Variants in PCDH15 observed in about 807,000 individuals in gnomAD.
PCDH15 encodes protocadherin related 15.
Under a neutral mutation model 178.5 loss-of-function variants are expected in PCDH15, and 129 were observed. The ratio of observed to expected loss-of-function variants is 0.72; its 90% confidence interval spans 0.63 to 0.84. The LOEUF (loss-of-function observed/expected upper bound fraction) is 0.84. Among genes scored for constraint, PCDH15 ranks in the 40% least tolerant of loss-of-function variants. The pLI is 0.00. For synonymous variants in PCDH15, 800 were observed against 732.0 expected, an observed-to-expected ratio of 1.09 and a Z score of -1.50; for missense variants, 2,230 against 2,099.9, an observed-to-expected ratio of 1.06 and a Z score of -1.21.
At position 54,516,816 on chromosome 10, in the gene PCDH15, T is replaced by C. The variant is rs981838542; in HGVS notation, c.157+10996A>G. ...TGTTAAGGGCAGCCAGAGAGAAAGA[T>C]TGGGTTACCCACAAAGGGAAGCTCA... On this transcript the variant is annotated intron_variant, in intron 3 of 37. Transcript: ENST00000644397. 5.9e-5 allele frequency among the ~76,000 whole-genome samples: 9 copies of C among 152,114 alleles called. No individual in the cohort carries two copies. The South Asian group carries it at 6.2e-4, about 11-fold the overall frequency.
chr10:53,894,388 T>C (rs959202505), intron 26 of PCDH15, among the ~76,000 whole-genome samples: 5 of 152,092 alleles, frequency 3.3e-5, no homozygotes, highest in African/African-American at 1.2e-4. Flanking sequence ...GCATTCAGGG[T>C]GGTATGGCCA....
chr10:55,458,085 T>C (rs963333172), intron 2 of PCDH15, among the ~76,000 whole-genome samples: 2 of 152,054 alleles, frequency 1.3e-5, no homozygotes, highest in Non-Finnish European at 2.9e-5. Context: ...ATAAATCTTG[T>C]AGGATTCTGT....
Position 54,992,728 on chromosome 10 carries a change from C to A in PCDH15, c.-79-95228G>T, listed in dbSNP as rs1839533526. On this transcript the variant is annotated intron_variant, in intron 2 of 5. Transcript: ENST00000458638. The stretch of plus-strand genomic sequence containing the variant: ...AGAGATCAGGCCACTGCACTCCAGC[C>A]TGGGCGACAGAGTGATCCTCCATCT... 2.7e-5 allele frequency among the ~76,000 whole-genome samples: 4 copies of A among 149,376 alleles called. No individual in the cohort carries two copies. The South Asian group carries it at 8.5e-4, about 32-fold the overall frequency.
At position 54,993,405 on chromosome 10, in the gene PCDH15, T is replaced by C. The variant is rs1487581557; in HGVS notation, c.-79-95905A>G. On this transcript the variant is annotated intron_variant, in intron 2 of 5. Coordinates refer to the PCDH15 transcript ENST00000458638. ...AATATCTACATTAAGCCACAAATCA[T>C]GAATACCTGCTTGACTATGTCCTCT... Among the ~76,000 whole-genome samples, 3 of 152,170 alleles carry C rather than the reference T, an allele frequency of 2.0e-5. No homozygotes were observed. In the East Asian group the frequency reaches 5.8e-4, roughly 29 times the overall value.
At chr10:54,770,974 T>C (rs1270152216) in intron 1 of PCDH15, among the ~76,000 whole-genome samples, 2 of 152,086 alleles carry the variant, frequency 1.3e-5, no homozygotes, top group African/African-American at 4.8e-5. Context: ...TTAGATGATA[T>C]CAATGTGCCC....
intron 2 of PCDH15, among the ~76,000 whole-genome samples, chr10:55,373,027 A>C (rs1183295696): frequency 6.6e-6 from 1 of 152,004 alleles, no homozygotes; most frequent in Non-Finnish European, 1.5e-5. Flanking sequence ...AGATTCAAAA[A>C]ATAATTAAAA....
intron 1 of PCDH15, among the ~76,000 whole-genome samples, chr10:55,255,792 T>A (rs1233535107): frequency 1.3e-5 from 2 of 151,994 alleles, no homozygotes; most frequent in Non-Finnish European, 2.9e-5. Context: ...CCACTTTTTG[T>A]TGGGGTTGTT....
intron 1 of PCDH15, among the ~76,000 whole-genome samples, chr10:54,754,081 T>C (rs1946733182): frequency 6.6e-6 from 1 of 151,534 alleles, no homozygotes; most frequent in Non-Finnish European, 1.5e-5. Flanking sequence ...ACCCGTCTCA[T>C]CCTCCCAAAG....
At chr10:55,071,627 G>C (rs1398801406) in intron 2 of PCDH15, among the ~76,000 whole-genome samples, 1 of 152,132 alleles carries the variant, frequency 6.6e-6, no homozygotes, top group East Asian at 1.9e-4. Flanking sequence ...AAGAGACTTA[G>C]ACTCCCACAC....
intron 2 of PCDH15, among the ~76,000 whole-genome samples, chr10:55,373,812 A>T (rs1377632021): frequency 6.6e-6 from 1 of 151,960 alleles, no homozygotes; most frequent in African/African-American, 2.4e-5. Flanking sequence ...CTTACGTTTA[A>T]GTCTTTAATC....
rs183208244 is a variant in PCDH15, at chr10:54,343,181, C to T, written c.594+3184G>A. 3.7e-4 allele frequency among the ~76,000 whole-genome samples: 56 copies of T among 152,064 alleles called. No individual in the cohort carries two copies. In the South Asian group the frequency reaches 3.8e-3, roughly 10 times the overall value. The stretch of plus-strand genomic sequence containing the variant: ...AATTATATGGTTTGTCTCTGTGTCC[C>T]GACTAAAATCTCATGTTGAATTGTA... On this transcript the variant is annotated intron_variant, in intron 6 of 37. Transcript: ENST00000644397.
At chr10:54,176,127 T>C (rs1377740481) in intron 13 of PCDH15, among the ~76,000 whole-genome samples, 1 of 152,202 alleles carries the variant, frequency 6.6e-6, no homozygotes, top group Non-Finnish European at 1.5e-5. Context: ...AGGTGTTTTC[T>C]AAACTCATTG....
intron 2 of PCDH15, among the ~76,000 whole-genome samples, chr10:55,042,150 A>G (rs1216347177): frequency 6.6e-6 from 1 of 152,084 alleles, no homozygotes; most frequent in Admixed American, 6.6e-5. Flanking sequence ...AGACATGAAG[A>G]TGAGACTCTA....
chr10:54,991,953 A>T (rs1264348387), intron 2 of PCDH15, among the ~76,000 whole-genome samples: 1 of 152,130 alleles, frequency 6.6e-6, no homozygotes, highest in Non-Finnish European at 1.5e-5. Context: ...TTTACAAATA[A>T]GACAACGGCT....
intron 1 of PCDH15, among the ~76,000 whole-genome samples, chr10:54,797,352 C>T (rs1033551608): frequency 6.6e-6 from 1 of 151,874 alleles, no homozygotes; most frequent in Non-Finnish European, 1.5e-5. Flanking sequence ...ACTGCTTTTG[C>T]CTCTTACATT....
At chr10:54,714,619 A>G (rs967022064) in intron 1 of PCDH15, among the ~76,000 whole-genome samples, 1 of 152,136 alleles carries the variant, frequency 6.6e-6, no homozygotes, top group Non-Finnish European at 1.5e-5. Context: ...GGCTTCTTAC[A>G]TATCTTAGGA....
At chr10:54,860,343 T>C (rs1953817634) in intron 3 of PCDH15, among the ~76,000 whole-genome samples, 1 of 152,212 alleles carries the variant, frequency 6.6e-6, no homozygotes, top group Admixed American at 6.6e-5. Flanking sequence ...TGTTCCCATC[T>C]TTATGTTCAT....
intron 2 of PCDH15, among the ~76,000 whole-genome samples, chr10:54,588,737 A>G (rs927541193): frequency 6.6e-6 from 1 of 151,962 alleles, no homozygotes; most frequent in Non-Finnish European, 1.5e-5. Flanking sequence ...GACCACACCC[A>G]GCTAATTTCT....
chr10:54,801,713 A>ACAAAG (rs1952659658), upstream of PCDH15, among the ~76,000 whole-genome samples: 1 of 152,170 alleles, frequency 6.6e-6, no homozygotes, highest in Non-Finnish European at 1.5e-5. Flanking sequence ...ACAAAACAAA[A>ACAAAG]CAAAAAAACA....
Sources: gnomAD v4.1 joint callset for allele counts (sites outside exome capture counted in the v4.1 genomes callset) on GRCh38, gnomAD v4.1.1 for gene constraint, MANE v1.5 for transcripts, NCBI Gene and HGNC (gene_info 2026-07-23, HGNC 2026-07-21) for gene names.